Variants in CHN1 observed in about 807,000 individuals in gnomAD.
CHN1 encodes the protein N-chimaerin.
CHN1 carries 37 observed loss-of-function variants against 59.5 expected under a neutral mutation model. That is an observed-to-expected ratio of 0.62 (90% CI 0.48 to 0.82). CHN1 has a LOEUF of 0.82. Among genes scored for constraint, CHN1 ranks in the 40% least tolerant of loss-of-function variants. The probability of loss-of-function intolerance (pLI) is 0.00; values close to 1 mark genes in which losing one functional copy is unlikely to be tolerated. For missense variants in CHN1, 469 were observed against 571.0 expected, an observed-to-expected ratio of 0.82 and a Z score of 1.82; for synonymous variants, 206 against 200.4, an observed-to-expected ratio of 1.03 and a Z score of -0.24.
At chr2:174,898,312 T>C (rs938335304) in intron 5 of CHN1, among the ~76,000 whole-genome samples, 1 of 151,990 alleles carries the variant, frequency 6.6e-6, no homozygotes, top group African/African-American at 2.4e-5. Flanking sequence ...TAAGAAATTG[T>C]CACTTCTGGC....
intron 3 of CHN1, among the ~76,000 whole-genome samples, chr2:174,921,863 G>A (rs1025596158): frequency 2.6e-5 from 4 of 152,034 alleles, no homozygotes; most frequent in African/African-American, 4.8e-5. Context: ...TGGGTCCCTC[G>A]CCCAACAAAT....
At chr2:174,801,671 G>T in intron 12 of CHN1, 36 bp downstream of exon 12, 1 of 1,427,108 alleles carries the variant, frequency 7.0e-7, no homozygotes, top group South Asian at 1.2e-5. Context: ...AAATTTGGAT[G>T]CAATACAAGT....
intron 1 of CHN1, among the ~76,000 whole-genome samples, chr2:174,970,058 A>G (rs908715551): frequency 4.6e-5 from 7 of 152,216 alleles, no homozygotes; most frequent in African/African-American, 1.4e-4. Context: ...ACCAGTACAC[A>G]CTCACAGTAA....
At chr2:174,867,060 ATTT>A (rs112322984) in intron 6 of CHN1, among the ~76,000 whole-genome samples, 2 of 144,140 alleles carry the variant, frequency 1.4e-5, no homozygotes. Context: ...TTTTTACTTA[ATTT>A]TTTTTTTTTT....
intron 8 of CHN1, among the ~76,000 whole-genome samples, chr2:174,821,392 G>T (rs913544482): frequency 6.6e-6 from 1 of 151,738 alleles, no homozygotes; most frequent in African/African-American, 2.4e-5. Context: ...TCAACCTCTC[G>T]CCTCCCTTTT....
intron 7 of CHN1, among the ~76,000 whole-genome samples, chr2:174,833,088 G>C (rs181651012): frequency 2.0e-5 from 3 of 152,204 alleles, no homozygotes; most frequent in African/African-American, 7.2e-5. Context: ...CACTTGAAAA[G>C]TATGTGTATC....
rs149151007 is a variant in CHN1 at position 174,802,567 on chromosome 2, T to C, written c.1103-755A>G. 6.6e-3 allele frequency among the ~76,000 whole-genome samples: 999 copies of C among 152,376 alleles called. 16 individuals are homozygous for C. The highest frequency in any genetic ancestry group is 0.023 in the African/African-American group (957 of 41,592). On this transcript the variant is annotated intron_variant, in intron 11 of 12. Transcript: ENST00000409900. Reference sequence around the variant, plus strand: ...TTGAAGGGAACCATCTTAATTTGAATGTTTTAGTTCCAAATGAACAAAAAC... The same window carrying C: ...TTGAAGGGAACCATCTTAATTTGAACGTTTTAGTTCCAAATGAACAAAAAC...
chr2:174,869,353 T>C (rs1312816379), intron 6 of CHN1, among the ~76,000 whole-genome samples: 1 of 152,138 alleles, frequency 6.6e-6, no homozygotes, highest in Non-Finnish European at 1.5e-5. Context: ...TTAAGGAAGG[T>C]AGATATTAAA....
Position 174,981,655 on chromosome 2 carries a change from A to G in CHN1, c.19+23239T>C, listed in dbSNP as rs139802119. Among the ~76,000 whole-genome samples, 1,056 of 152,322 alleles carry G rather than the reference A, an allele frequency of 6.9e-3. 16 individuals are homozygous for G. The highest frequency in any genetic ancestry group is 0.024 in the African/African-American group (1,008 of 41,566). ...TATACATGTCTGAATACTTAATTCA[A>G]TGAAGTTTTCCATAAGTAACAGTTC... On this transcript the variant is annotated intron_variant, in intron 1 of 12. Transcript: ENST00000409900.
chr2:174,886,501 C>T lies in CHN1; in HGVS notation c.261-8373G>A, dbSNP rs192876348. On this transcript the variant is annotated intron_variant, in intron 5 of 12. Coordinates refer to ENST00000409900, the MANE Select transcript of CHN1 (RefSeq NM_001822.7). ...GTTCTCCTTCCAATTCGCTTTTTAT[C>T]CACTGTAAGCTTGGAAACAAGACAA... Among the ~76,000 whole-genome samples, 296 of 152,244 alleles carry T rather than the reference C, an allele frequency of 1.9e-3. 1 individual carries two copies. Among genetic ancestry groups the T allele is most frequent in the Middle Eastern group, 3.4e-3 (1 of 294 alleles).
chr2:174,946,479 C>T (rs139931516), intron 2 of CHN1, among the ~76,000 whole-genome samples: 1 of 152,226 alleles, frequency 6.6e-6, no homozygotes, highest in East Asian at 1.9e-4. Flanking sequence ...TATTCCTTTA[C>T]CTTTTTCTCC....
At chr2:174,924,360 C>G (rs924906384) in intron 3 of CHN1, among the ~76,000 whole-genome samples, 1 of 152,174 alleles carries the variant, frequency 6.6e-6, no homozygotes, top group African/African-American at 2.4e-5. Flanking sequence ...CTGCCAAGCC[C>G]AAATCCCTTT....
chr2:174,857,286 C>T (rs1046151966), intron 6 of CHN1, among the ~76,000 whole-genome samples: 4 of 152,126 alleles, frequency 2.6e-5, no homozygotes, highest in Admixed American at 2.0e-4. Flanking sequence ...CACTTTAGGT[C>T]TGTGCTTGAA....
chr2:174,883,600 C>T (rs1307033010), intron 5 of CHN1, among the ~76,000 whole-genome samples: 1 of 152,108 alleles, frequency 6.6e-6, no homozygotes, highest in Non-Finnish European at 1.5e-5. Context: ...TATGAGCAGT[C>T]AGCCAAGGGC....
intron 1 of CHN1, among the ~76,000 whole-genome samples, chr2:174,990,513 A>T (rs1691512804): frequency 6.6e-6 from 1 of 152,074 alleles, no homozygotes; most frequent in Non-Finnish European, 1.5e-5. Flanking sequence ...AGAACTGCAG[A>T]GCCATGTGTC....
At chr2:175,001,255 CAG>C (rs1691880608) in intron 1 of CHN1, among the ~76,000 whole-genome samples, 1 of 152,192 alleles carries the variant, frequency 6.6e-6, no homozygotes, top group Admixed American at 6.5e-5. Flanking sequence ...AAAATGTCAG[CAG>C]AGAGTATAGT....
In CHN1 at chr2:174,995,587, G is replaced by A. The variant is rs144933741; in HGVS notation, c.19+9307C>T. ...CCCTCACATGAGCAGTTCACAATAC[G>A]GTTCACGCTCCTATGAGAATCTAAT... On this transcript the variant is annotated intron_variant, in intron 1 of 12. Transcript: ENST00000409900. 6.5e-3 allele frequency among the ~76,000 whole-genome samples: 986 copies of A among 152,248 alleles called. 16 individuals are homozygous for A. Among genetic ancestry groups the A allele is most frequent in the African/African-American group, 0.022 (931 of 41,540 alleles).
At chr2:174,999,090 T>C (rs1254355920) in intron 1 of CHN1, among the ~76,000 whole-genome samples, 1 of 152,160 alleles carries the variant, frequency 6.6e-6, no homozygotes, top group Non-Finnish European at 1.5e-5. Context: ...GACTTTTCAA[T>C]GTAAATATGG....
At chr2:174,868,731 C>A (rs1687307034) in intron 6 of CHN1, among the ~76,000 whole-genome samples, 1 of 152,142 alleles carries the variant, frequency 6.6e-6, no homozygotes. Context: ...CATTCTTCAC[C>A]TGGGAATGGG....
Sources: gnomAD v4.1 joint callset for allele counts (sites outside exome capture counted in the v4.1 genomes callset) on GRCh38, gnomAD v4.1.1 for gene constraint, MANE v1.5 for transcripts, NCBI Gene and HGNC (gene_info 2026-07-23, HGNC 2026-07-21) for gene names.